The following GLYATL3 variants were observed in gnomAD, a reference collection of about 807,000 sequenced individuals.
GLYATL3 encodes glycine N-acyltransferase-like protein 3.
Under a neutral mutation model 28.5 loss-of-function variants are expected in GLYATL3, and 31 were observed. The observed-to-expected ratio is 1.09, with a 90% CI of 0.82 to 1.47. The LOEUF (loss-of-function observed/expected upper bound fraction) is 1.47, where lower values mean the gene tolerates loss of function less well. Among genes scored for constraint, GLYATL3 ranks in the 40% most tolerant of loss-of-function variants. GLYATL3 has a pLI of 0.00. For missense variants in GLYATL3, 369 were observed against 351.5 expected (o/e 1.05, Z -0.40); for synonymous variants, 141 against 140.2 (o/e 1.01, Z -0.04).
chr6:49,505,843 A>T (rs1769001994), intron 1 of GLYATL3, among the ~76,000 whole-genome samples: 1 of 152,312 alleles, frequency 6.6e-6, no homozygotes, highest in South Asian at 2.1e-4. Context: ...ATTATTTTGT[A>T]CTATAAGTCC....
chr6:49,525,944 CAAAAGCAAGTGAACATA>C lies in GLYATL3; in HGVS notation c.441-540_441-524del, dbSNP rs1769403266. Among the ~76,000 whole-genome samples the C allele has an allele frequency of 2.0e-5, 3 of 152,188 alleles. No individual in the cohort carries two copies. The South Asian group carries it at 6.2e-4, about 32-fold the overall frequency. ...CACTTTCCTTAACCTGTGCTGAAGG[CAAAAGCAAGTGAACATA>C]AAATTAGAAGCAACGACTTAAATTT... On this transcript the variant is annotated intron_variant, in intron 5 of 5. Transcript: ENST00000371197.
Position 49,511,251 on chromosome 6 carries a change from T to TA in GLYATL3, c.-28-704dup, listed in dbSNP as rs578140560. Among the ~76,000 whole-genome samples, 200 of 152,184 alleles carry TA rather than the reference T, an allele frequency of 1.3e-3. 1 individual carries two copies. Among genetic ancestry groups the TA allele is most frequent in the African/African-American group, 4.3e-3 (177 of 41,522 alleles). ...GCAGGCGAGGTGAAGCCCCCAAATCTAAAAAAAATCTAATTGCATGAGAAC... is the reference window on the plus strand; with the variant it reads ...GCAGGCGAGGTGAAGCCCCCAAATCTAAAAAAAAATCTAATTGCATGAGAAC... On this transcript the variant is annotated intron_variant, in intron 1 of 5. Transcript: ENST00000371197.
chr6:49,504,330 T>C (rs142232140), intron 1 of GLYATL3, among the ~76,000 whole-genome samples: 417 of 151,980 alleles, frequency 2.7e-3, no homozygotes, highest in African/African-American at 9.5e-3. Flanking sequence ...TGCATGCATC[T>C]TCAGGACAAA....
chr6:49,522,045 A>G (rs1273426968), intron 5 of GLYATL3, among the ~76,000 whole-genome samples: 1 of 152,200 alleles, frequency 6.6e-6, no homozygotes, highest in African/African-American at 2.4e-5. Context: ...CATAGTATCC[A>G]TGGAAAAAGC....
rs768190418 is a variant in GLYATL3 at position 49,524,258 on chromosome 6, CT to C, written c.441-2229del. On this transcript the variant is annotated intron_variant, in intron 5 of 5. Coordinates refer to ENST00000371197, the MANE Select transcript of GLYATL3 (RefSeq NM_001010904.2). ...CATTAGGCCAGCTAATTTTTTCCCC[CT>C]GCTTAGTGGATAGATGACTGGCCCA... Among the ~76,000 whole-genome samples the C allele has an allele frequency of 6.6e-5, 10 of 152,300 alleles. No homozygotes were observed. In the East Asian group the frequency reaches 9.6e-4, roughly 15 times the overall value.
At position 49,517,439 on chromosome 6, in the gene GLYATL3, G is replaced by C; in HGVS notation, c.196G>C (p.Asp66His). The change falls in exon 4 of 6, where the codon GAT becomes CAT. Residue 66 changes from aspartate (D) to histidine (H), a missense_variant. Coordinates refer to ENST00000371197, the MANE Select transcript of GLYATL3 (RefSeq NM_001010904.2). Reference sequence around the variant, plus strand: ...ATGTCTTCTGTCCTAGGCTGAGACAGATAACCTTGATCATTATACTAATGC... The same window carrying C: ...ATGTCTTCTGTCCTAGGCTGAGACACATAACCTTGATCATTATACTAATGC... ...ITRRQREAET[D>H]NLDHYTNAYA... 1 of 1,542,554 alleles carries C rather than the reference G, an allele frequency of 6.5e-7. No individual in the cohort carries two copies. Among genetic ancestry groups the C allele is most frequent in the Non-Finnish European group, 8.7e-7 (1 of 1,142,960 alleles).
intron 5 of GLYATL3, among the ~76,000 whole-genome samples, chr6:49,522,729 A>C (rs1581873229): frequency 6.6e-6 from 1 of 152,310 alleles, no homozygotes; most frequent in East Asian, 1.9e-4. Context: ...GTTGAGCAAA[A>C]CAGCACTAAA....
In GLYATL3 at chr6:49,526,913, A is replaced by G. The variant is rs1769432054; in HGVS notation, c.866A>G (p.Ter289TrpextTer13). The part of the protein sequence containing the change: ...PATFSGLPHL[*>W] ...ACTTTCTCTGGCCTGCCTCACCTCT[A>G]GCCCAGTAAAAAACTGCAGTGGTTT... Residue 289 changes from the stop codon to tryptophan, a stop_lost, in exon 6 of 6, where the codon TAG becomes TGG. Transcript: ENST00000371197. The G allele has an allele frequency of 2.0e-6, 3 of 1,503,226 alleles. No homozygotes were observed. Among genetic ancestry groups the G allele is most frequent in the Non-Finnish European group, 2.7e-6 (3 of 1,123,584 alleles). 93.1% of individuals were successfully genotyped at this position (1,503,226 alleles called of 1,614,324 possible). A position where few individuals can be genotyped will look rare whatever the true frequency, so the allele number is the denominator to read the frequency against.
At chr6:49,504,948 T>TTGCCA (rs373514824) in intron 1 of GLYATL3, among the ~76,000 whole-genome samples, 9 of 152,192 alleles carry the variant, frequency 5.9e-5, no homozygotes, top group African/African-American at 1.7e-4. Flanking sequence ...TAACATCCAT[T>TTGCCA]TGCCAAATAG....
At chr6:49,509,426 C>T (rs141048187) in intron 1 of GLYATL3, among the ~76,000 whole-genome samples, 101 of 152,304 alleles carry the variant, frequency 6.6e-4, no homozygotes, top group African/African-American at 2.3e-3. Context: ...TTACCTAACA[C>T]GTGTATTTCC....
At chr6:49,500,936 A>G (rs893532884) in intron 1 of GLYATL3, among the ~76,000 whole-genome samples, 1 of 152,234 alleles carries the variant, frequency 6.6e-6, no homozygotes, top group African/African-American at 2.4e-5. Flanking sequence ...GAAATGAATC[A>G]CTGTTTACTG....
chr6:49,517,683 A>G, intron 4 of GLYATL3, 127 bp downstream of exon 4: 1 of 554,104 alleles, frequency 1.8e-6, no homozygotes, highest in Non-Finnish European at 2.9e-6. Flanking sequence ...GTATGTATAA[A>G]TACATACACA....
chr6:49,512,284 CT>C (rs1239062856), intron 2 of GLYATL3, among the ~76,000 whole-genome samples: 1,249 of 121,480 alleles, frequency 0.01, 13 homozygotes, highest in African/African-American at 0.015. Context: ...TTTTTTCTTT[CT>C]TTTTTTTTTT....
intron 3 of GLYATL3, among the ~76,000 whole-genome samples, chr6:49,516,716 C>T (rs1581870393): frequency 6.6e-6 from 1 of 152,164 alleles, no homozygotes; most frequent in Admixed American, 6.5e-5. Flanking sequence ...TTTGCTTGAG[C>T]CCCAGAGTCC....
rs1429285488 is a variant in GLYATL3, at chr6:49,526,656, G to T, written c.609G>T (p.Trp203Cys). The stretch of plus-strand genomic sequence containing the variant: ...ATGAGAAGGGAAACCCGGTCTCCTG[G>T]TCCATCACAGACCAGTTTGCCACCA... ...VRDEKGNPVS[W>C]SITDQFATMC... The change falls in exon 6 of 6, where the codon TGG becomes TGT. Residue 203 changes from tryptophan (W) to cysteine (C), a missense_variant. Physicochemically the swap from Trp to Cys is radical, Grantham distance 215 (BLOSUM62 -2). Coordinates refer to ENST00000371197, the MANE Select transcript of GLYATL3 (RefSeq NM_001010904.2). 5 of 1,551,720 alleles carry T rather than the reference G, an allele frequency of 3.2e-6. No individual in the cohort carries two copies. Among genetic ancestry groups the T allele is most frequent in the Admixed American group, 2.0e-5 (1 of 50,974 alleles).
chr6:49,517,657 TTATC>T (rs1229435026), intron 4 of GLYATL3, 101 bp downstream of exon 4: 3 of 823,526 alleles, frequency 3.6e-6, no homozygotes, highest in African/African-American at 3.5e-5. Flanking sequence ...AATATATAGA[TTATC>T]TATACACACC....
At chr6:49,511,025 T>C (rs1018376355) in intron 1 of GLYATL3, among the ~76,000 whole-genome samples, 1 of 152,208 alleles carries the variant, frequency 6.6e-6, no homozygotes, top group Non-Finnish European at 1.5e-5. Context: ...AAATACGTTG[T>C]AAAGGAATAA....
intron 5 of GLYATL3, 55 bp from the exon 6 acceptor site, chr6:49,526,433 A>G (rs1375001156): frequency 1.5e-5 from 21 of 1,428,914 alleles, no homozygotes; most frequent in Non-Finnish European, 1.9e-5. Flanking sequence ...ATGTGTAGTT[A>G]TGTATAACCA....
chr6:49,506,582 G>A (rs928973226), intron 1 of GLYATL3, among the ~76,000 whole-genome samples: 1 of 152,000 alleles, frequency 6.6e-6, no homozygotes, highest in Non-Finnish European at 1.5e-5. Context: ...GAGGGGGAGG[G>A]CATACCAGAT....
Sources: gnomAD v4.1 joint callset for allele counts (sites outside exome capture counted in the v4.1 genomes callset) on GRCh38, gnomAD v4.1.1 for gene constraint, MANE v1.5 for transcripts, NCBI Gene and HGNC (gene_info 2026-07-23, HGNC 2026-07-21) for gene names.